FBXO25: variants seen among roughly 807,000 people sequenced by gnomAD.
The protein encoded by FBXO25 is F-box only protein 25.
Under a neutral mutation model 51.9 loss-of-function variants are expected in FBXO25, and 45 were observed. The observed-to-expected ratio is 0.87, with a 90% CI of 0.68 to 1.11. The LOEUF (loss-of-function observed/expected upper bound fraction) is 1.11. FBXO25 is among the 50% of genes most tolerant of loss of function. The pLI is 0.00. For synonymous variants in FBXO25, 199 were observed against 151.0 expected, an observed-to-expected ratio of 1.32 and a Z score of -2.33; for missense variants, 507 against 428.5, an observed-to-expected ratio of 1.18 and a Z score of -1.62.
At chr8:431,778 A>C (rs1797833633) in intron 3 of FBXO25, among the ~76,000 whole-genome samples, 1 of 152,244 alleles carries the variant, frequency 6.6e-6, no homozygotes, top group South Asian at 2.1e-4. Flanking sequence ...CTGAAGATTC[A>C]GAGCAGGAGA....
intron 2 of FBXO25, among the ~76,000 whole-genome samples, chr8:423,110 C>G (rs185155329): frequency 1.6e-4 from 24 of 152,268 alleles, no homozygotes; most frequent in Non-Finnish European, 2.9e-4. Flanking sequence ...GTTGAGATAC[C>G]TCTTTTTCCC....
At chr8:407,417 G>A in intron 1 of FBXO25, 4 of 984,950 alleles carry the variant, frequency 4.1e-6, no homozygotes, top group Non-Finnish European at 4.8e-6. Flanking sequence ...CGCGTCAGGT[G>A]GGGTCTGGGG....
Position 469,969 on chromosome 8 carries a change from C to T in FBXO25, c.*1165C>T. ...GCATTTATTTGTCAAATTATAGTTT[C>T]TCCTGAGGCGATGCAAATACCTGGG... is the stretch of plus-strand genomic sequence containing the variant. On this transcript the variant is annotated 3_prime_UTR_variant, in exon 10 of 10. Transcript: ENST00000350302. The T allele has an allele frequency of 6.6e-6, 1 of 152,184 alleles. No individual in the cohort carries two copies. The highest frequency in any genetic ancestry group is 1.9e-4 in the East Asian group (1 of 5,200). 9.4% of individuals were successfully genotyped at this position (152,184 alleles called of 1,614,324 possible).
At chr8:464,621 A>G (rs1166007670) in intron 9 of FBXO25, among the ~76,000 whole-genome samples, 1 of 151,838 alleles carries the variant, frequency 6.6e-6, no homozygotes, top group East Asian at 1.9e-4. Flanking sequence ...CATACGGCAA[A>G]CTCTAGGTTG....
At chr8:431,810 T>A (rs1170402600) in intron 3 of FBXO25, among the ~76,000 whole-genome samples, 1 of 152,148 alleles carries the variant, frequency 6.6e-6, no homozygotes, top group Non-Finnish European at 1.5e-5. Flanking sequence ...AGCTGGAGTT[T>A]AGGATGTTAG....
Position 431,307 on chromosome 8 carries a change from A to G in FBXO25, c.135-34A>G, listed in dbSNP as rs181054256. ...AAAAGCCAAATGAAGATCTCCCTGA[A>G]AAAATATTTTAATAGAATGTGTCTT... On this transcript the variant is annotated intron_variant, in intron 2 of 9. Transcript: ENST00000350302. 1.3e-3 allele frequency: 1,614 copies of G among 1,200,296 alleles called. 21 individuals carry two copies. The African/African-American group carries it at 0.021, about 16-fold the overall frequency. 74.4% of individuals were successfully genotyped at this position (1,200,296 alleles called of 1,614,324 possible). A position where few individuals can be genotyped will look rare whatever the true frequency, so the allele number is the denominator to read the frequency against.
rs533827733 is a variant in FBXO25 at position 472,193 on chromosome 8, C to G, written c.*3389C>G. On this transcript the variant is annotated 3_prime_UTR_variant, in exon 10 of 10. Transcript: ENST00000350302. ...TCTCACCATTAACTATGATGTTAAC[C>G]CTGGGTTTTCCATACATACCCTCTA... 1 of 152,284 alleles carries G rather than the reference C, an allele frequency of 6.6e-6. No homozygotes were observed. The highest frequency in any genetic ancestry group is 2.4e-5 in the African/African-American group (1 of 41,554). The allele number at this position is 152,284 out of a possible 1,614,324, so 9.4% of individuals were successfully genotyped here. A position where few individuals can be genotyped will look rare whatever the true frequency, so the allele number is the denominator to read the frequency against.
In FBXO25 at chr8:469,522, G is replaced by A. The variant is rs1692034027; in HGVS notation, c.*718G>A. On this transcript the variant is annotated 3_prime_UTR_variant, in exon 10 of 10. Coordinates refer to ENST00000350302, the MANE Select transcript of FBXO25 (RefSeq NM_183420.2). ...GCCCAGTGCAGTCTAAACTTCAATT[G>A]TGTTGAAACTACTTTAATAGACAAA... The A allele has an allele frequency of 6.6e-6, 1 of 152,208 alleles. No individual in the cohort carries two copies. The highest frequency in any genetic ancestry group is 1.5e-5 in the Non-Finnish European group (1 of 68,042). The allele number at this position is 152,208 out of a possible 1,614,324, so 9.4% of individuals were successfully genotyped here.
chr8:407,534 A>G, intron 1 of FBXO25: 1 of 732,420 alleles, frequency 1.4e-6, no homozygotes, highest in Non-Finnish European at 1.7e-6. Flanking sequence ...TCCCCTGCCC[A>G]CCTTCTGCGA....
In FBXO25 at chr8:474,556, T is replaced by G. The variant is rs1422882757; in HGVS notation, c.*5752T>G. 5.4e-5 allele frequency: 19 copies of G among 351,902 alleles called. No homozygotes were observed. The highest frequency in any genetic ancestry group is 8.7e-5 in the Non-Finnish European group (16 of 182,878). 21.8% of individuals were successfully genotyped at this position (351,902 alleles called of 1,614,324 possible). ...GCCACATCCTTGCCAACACCTGTTT[T>G]TAATAATTGCCATCCTAATGAGTGT... On this transcript the variant is annotated 3_prime_UTR_variant, in exon 10 of 10. Transcript: ENST00000350302.
At chr8:454,764 G>A (rs2116756923) in intron 7 of FBXO25, among the ~76,000 whole-genome samples, 1 of 152,084 alleles carries the variant, frequency 6.6e-6, no homozygotes, top group Non-Finnish European at 1.5e-5. Flanking sequence ...GGTGGGACGT[G>A]CCTGTGGTCC....
rs760587401 is a variant in FBXO25, at chr8:474,183, C to G, written c.*5379C>G. The G allele has an allele frequency of 5.0e-5, 8 of 160,260 alleles. No homozygotes were observed. Among genetic ancestry groups the G allele is most frequent in the Non-Finnish European group, 2.7e-5 (2 of 74,398 alleles). The allele number at this position is 160,260 out of a possible 1,614,324, so 9.9% of individuals were successfully genotyped here. A position where few individuals can be genotyped will look rare whatever the true frequency, so the allele number is the denominator to read the frequency against. ...CTTTTAATTTGACTTCTGTAGGGAC[C>G]TCGTATGAGTGGAACCAGAAGGGAT... On this transcript the variant is annotated 3_prime_UTR_variant, in exon 10 of 10. Coordinates refer to ENST00000350302, the MANE Select transcript of FBXO25 (RefSeq NM_183420.2).
intron 2 of FBXO25, among the ~76,000 whole-genome samples, chr8:421,628 G>T (rs988949431): frequency 1.3e-5 from 2 of 152,110 alleles, no homozygotes; most frequent in African/African-American, 4.8e-5. Flanking sequence ...GAGAAATGTG[G>T]GTCTATGCAT....
Position 468,795 on chromosome 8 carries a change from C to T in FBXO25, c.1068C>T (p.Phe356=). Residue 356 remains phenylalanine (F), a synonymous_variant, in exon 10 of 10, where the codon TTC becomes TTT. Transcript: ENST00000350302. ...CTCCGCAGCACTTCATCGACCTCTT[C>T]AAGTTTTAAGGGCTGCCCCTGCCAT... ...PVSPQHFIDL[F]KF 1 of 1,613,948 alleles carries T rather than the reference C, an allele frequency of 6.2e-7. No individual in the cohort carries two copies.
chr8:419,767 C>G (rs1404724967), intron 2 of FBXO25, among the ~76,000 whole-genome samples: 1 of 151,914 alleles, frequency 6.6e-6, no homozygotes, highest in African/African-American at 2.4e-5. Flanking sequence ...AGATACGATA[C>G]CAAAAGCACA....
intron 2 of FBXO25, among the ~76,000 whole-genome samples, chr8:413,681 G>T (rs1028805493): frequency 2.0e-5 from 3 of 152,174 alleles, no homozygotes. Flanking sequence ...AGCCTTACCT[G>T]CATGGTCCAA....
chr8:432,866 A>C lies in FBXO25; in HGVS notation c.239-20A>C. 1 of 1,533,416 alleles carries C rather than the reference A, an allele frequency of 6.5e-7. No homozygotes were observed. The highest frequency in any genetic ancestry group is 8.7e-7 in the Non-Finnish European group (1 of 1,145,564). The allele number at this position is 1,533,416 out of a possible 1,614,324, so 95.0% of individuals were successfully genotyped here. A position where few individuals can be genotyped will look rare whatever the true frequency, so the allele number is the denominator to read the frequency against. ...AAATGATTTGCCAGATTTTAAAAAC[A>C]AAGGTAATTTTTATTCTAGGTTTTT... is the stretch of plus-strand genomic sequence containing the variant. On this transcript the variant is annotated intron_variant, in intron 3 of 9. Coordinates refer to ENST00000350302, the MANE Select transcript of FBXO25 (RefSeq NM_183420.2).
chr8:463,467 T>C (rs1225742077), intron 9 of FBXO25, among the ~76,000 whole-genome samples: 1 of 152,194 alleles, frequency 6.6e-6, no homozygotes, highest in Non-Finnish European at 1.5e-5. Context: ...CAGCCTGAGG[T>C]TGAAGGCTGG....
intron 2 of FBXO25, among the ~76,000 whole-genome samples, chr8:420,687 G>C (rs117881946): frequency 0.064 from 9,738 of 152,282 alleles, 330 homozygotes; most frequent in Middle Eastern, 0.085. Context: ...CCTAAAAGGC[G>C]TCCATACTGT....
Sources: allele counts gnomAD v4.1 joint callset (sites outside exome capture counted in the v4.1 genomes callset), GRCh38; gene constraint gnomAD v4.1.1; transcripts MANE v1.5; gene names NCBI Gene and HGNC (gene_info 2026-07-23, HGNC 2026-07-21).